The following CAST variants were observed in gnomAD, a reference collection of about 807,000 sequenced individuals.
CAST encodes calpastatin, also known as MIR583 host.
In CAST, 76 loss-of-function variants were observed where a neutral mutation model predicts 119.6. The observed-to-expected ratio is 0.64, with a 90% CI of 0.53 to 0.77. CAST has a LOEUF of 0.77. Ranked by LOEUF, CAST falls within the 30% of genes least tolerant of loss-of-function variation. CAST has a pLI of 0.00. For missense variants in CAST, 953 were observed against 946.5 expected, an observed-to-expected ratio of 1.01 and a Z score of -0.09; for synonymous variants, 319 against 331.6, an observed-to-expected ratio of 0.96 and a Z score of 0.41.
the CAST span, among the ~76,000 whole-genome samples, chr5:96,235,532 G>A: frequency 1.3e-5 from 2 of 152,156 alleles, no homozygotes; most frequent in Non-Finnish European, 2.9e-5. Flanking sequence ...TTATTTAGGA[G>A]CTGTCCTAGA....
At chr5:96,555,313 G>T (rs1054278241) in intron 1 of CAST, among the ~76,000 whole-genome samples, 1 of 152,174 alleles carries the variant, frequency 6.6e-6, no homozygotes, top group East Asian at 1.9e-4. Flanking sequence ...CACAGAAGAT[G>T]GGTGATTTCT....
chr5:96,531,610 T>C (rs566586046), intron 1 of CAST, among the ~76,000 whole-genome samples: 1 of 152,184 alleles, frequency 6.6e-6, no homozygotes, highest in African/African-American at 2.4e-5. Flanking sequence ...TAAAGATAAA[T>C]AGACAATTTA....
At chr5:96,157,830 A>G in the CAST span, among the ~76,000 whole-genome samples, 1 of 152,250 alleles carries the variant, frequency 6.6e-6, no homozygotes, top group Non-Finnish European at 1.5e-5. Context: ...CATCCTGTAA[A>G]CATACCATAA....
At chr5:96,546,529 T>G (rs1746020417) in intron 1 of CAST, 1 of 145,468 alleles carries the variant, frequency 6.9e-6, no homozygotes, top group Non-Finnish European at 1.5e-5. Flanking sequence ...CAGAAGCTGT[T>G]TCTCAAAATG....
chr5:96,457,802 G>A, the CAST span, among the ~76,000 whole-genome samples: 1 of 152,176 alleles, frequency 6.6e-6, no homozygotes, highest in Non-Finnish European at 1.5e-5. Flanking sequence ...CAAAAGGATG[G>A]TGTGGGGACA....
the CAST span, chr5:96,421,784 G>A: frequency 6.2e-6 from 5 of 802,128 alleles, no homozygotes; most frequent in Non-Finnish European, 1.1e-5. Context: ...CATTTCCTGA[G>A]CACTGGAATG....
intron 11 of CAST, among the ~76,000 whole-genome samples, chr5:96,738,554 A>G (rs1762094595): frequency 6.6e-6 from 1 of 152,002 alleles, no homozygotes; most frequent in Non-Finnish European, 1.5e-5. Context: ...AATGGACTAG[A>G]ACTTGTTTTG....
chr5:96,258,844 C>T, the CAST span, among the ~76,000 whole-genome samples: 16 of 152,292 alleles, frequency 1.1e-4, no homozygotes, highest in East Asian at 2.1e-3. Context: ...ACCATGGCCA[C>T]ATTTGAAGAG....
At chr5:96,061,859 T>C in the CAST span, among the ~76,000 whole-genome samples, 2 of 152,088 alleles carry the variant, frequency 1.3e-5, no homozygotes, top group East Asian at 3.9e-4. Flanking sequence ...CATGTTAATC[T>C]CCACCAGAGA....
chr5:96,673,832 C>T (rs1750394107), intron 1 of CAST, among the ~76,000 whole-genome samples: 1 of 152,004 alleles, frequency 6.6e-6, no homozygotes, highest in South Asian at 2.1e-4. Flanking sequence ...AATAGATTGC[C>T]CTCAACTATG....
chr5:96,366,909 T>G, the CAST span, among the ~76,000 whole-genome samples: 2 of 152,184 alleles, frequency 1.3e-5, no homozygotes, highest in South Asian at 2.1e-4. Context: ...GCGCTCTGAT[T>G]TTTAGAATTT....
At chr5:96,638,617 T>C (rs1747912222) in intron 1 of CAST, among the ~76,000 whole-genome samples, 2 of 152,186 alleles carry the variant, frequency 1.3e-5, no homozygotes, top group South Asian at 4.1e-4. Flanking sequence ...CTCCTTCCCT[T>C]ATCTTCTGAT....
At chr5:95,965,101 G>A in the CAST span, 5 of 152,278 alleles carry the variant, frequency 3.3e-5, no homozygotes. Context: ...ATGAGTGAAA[G>A]AGGGCAGATA....
chr5:96,755,393 G>C (rs999714978), intron 22 of CAST, among the ~76,000 whole-genome samples: 1 of 151,992 alleles, frequency 6.6e-6, no homozygotes, highest in Non-Finnish European at 1.5e-5. Context: ...CTTTATATAA[G>C]AAAAATTTGC....
the CAST span, among the ~76,000 whole-genome samples, chr5:96,322,901 T>C: frequency 1.3e-5 from 2 of 152,124 alleles, no homozygotes; most frequent in Non-Finnish European, 1.5e-5. Context: ...TACATTGCAT[T>C]CTCCCAGTAT....
chr5:96,690,732 A>G (rs1235986584), intron 2 of CAST, among the ~76,000 whole-genome samples: 1 of 152,244 alleles, frequency 6.6e-6, no homozygotes. Flanking sequence ...TTTGTAAATA[A>G]GAGTCAGAGT....
At chr5:96,576,471 A>C (rs568166857) in intron 1 of CAST, among the ~76,000 whole-genome samples, 1 of 151,872 alleles carries the variant, frequency 6.6e-6, no homozygotes, top group East Asian at 1.9e-4. Context: ...CAGCCTCCGG[A>C]GTAACTGGGG....
At chr5:96,560,979 T>A (rs1011720941) in intron 1 of CAST, among the ~76,000 whole-genome samples, 9 of 152,080 alleles carry the variant, frequency 5.9e-5, no homozygotes, top group Non-Finnish European at 1.0e-4. Flanking sequence ...TAGACTGGAT[T>A]AAGAAAATGT....
chr5:96,506,178 A>G, the CAST span, among the ~76,000 whole-genome samples: 1 of 152,232 alleles, frequency 6.6e-6, no homozygotes, highest in East Asian at 1.9e-4. Flanking sequence ...ATAGATCCCA[A>G]GAACCTAGAA....
Sources: gnomAD v4.1 joint callset for allele counts (sites outside exome capture counted in the v4.1 genomes callset) on GRCh38, gnomAD v4.1.1 for gene constraint, MANE v1.5 for transcripts, NCBI Gene and HGNC (gene_info 2026-07-23, HGNC 2026-07-21) for gene names.